BACH2: variants seen among roughly 807,000 people sequenced by gnomAD.
The protein encoded by BACH2 is transcription regulator protein BACH2.
A neutral mutation model predicts 61.8 loss-of-function variants in BACH2; 5 were observed. The ratio of observed to expected loss-of-function variants is 0.08; its 90% CI spans 0.04 to 0.17. The LOEUF (loss-of-function observed/expected upper bound fraction) is 0.17, where lower values mean the gene tolerates loss of function less well. Ranked by LOEUF, BACH2 falls within the 10% of genes least tolerant of loss-of-function variation. The pLI is 1.00. For synonymous variants in BACH2, 446 were observed against 440.1 expected, an observed-to-expected ratio of 1.01 and a Z score of -0.17; for missense variants, 824 against 1,091.1, an observed-to-expected ratio of 0.76 and a Z score of 3.45.
intron 6 of BACH2, chr6:90,001,482 T>C (rs1777130748): frequency 6.6e-6 from 1 of 152,218 alleles, no homozygotes; most frequent in Non-Finnish European, 1.5e-5. Context: ...GTGACAGATG[T>C]TGCAGCCAGA....
Position 90,158,272 on chromosome 6 carries a change from T to G in BACH2, c.-162+48297A>C, listed in dbSNP as rs181115605. On this transcript the variant is annotated intron_variant, in intron 4 of 8. Transcript: ENST00000257749. Reference sequence around the variant, plus strand: ...ACATCTTTTTAAATTTTAAAAATATTAGACCATTTGTTCACATAAAGTTTT... The same window carrying G: ...ACATCTTTTTAAATTTTAAAAATATGAGACCATTTGTTCACATAAAGTTTT... Among the ~76,000 whole-genome samples, 28 of 152,318 alleles carry G rather than the reference T, an allele frequency of 1.8e-4. No individual in the cohort carries two copies. In the East Asian group the frequency reaches 5.0e-3, roughly 27 times the overall value.
intron 6 of BACH2, among the ~76,000 whole-genome samples, chr6:90,000,864 C>G (rs756034180): frequency 1.3e-5 from 2 of 152,140 alleles, no homozygotes; most frequent in Non-Finnish European, 2.9e-5. Flanking sequence ...TGAGCTTGTG[C>G]CTCTTCTGGA....
At chr6:90,029,255 C>G (rs536154210) in intron 5 of BACH2, among the ~76,000 whole-genome samples, 1 of 152,156 alleles carries the variant, frequency 6.6e-6, no homozygotes, top group Non-Finnish European at 1.5e-5. Context: ...TAAGACTCCC[C>G]GCCCTGCCAT....
intron 6 of BACH2, among the ~76,000 whole-genome samples, chr6:89,972,185 C>T (rs1169862292): frequency 2.0e-5 from 3 of 151,998 alleles, no homozygotes; most frequent in Non-Finnish European, 4.4e-5. Flanking sequence ...CTTCCGTGTC[C>T]GCCGCCGAGG....
chr6:90,159,197 A>T (rs1680559138), intron 4 of BACH2, among the ~76,000 whole-genome samples: 1 of 152,220 alleles, frequency 6.6e-6, no homozygotes, highest in African/African-American at 2.4e-5. Context: ...GAAATCAACT[A>T]CGTGGTCTAG....
At chr6:90,150,592 G>A (rs1018868520) in intron 4 of BACH2, among the ~76,000 whole-genome samples, 4 of 152,128 alleles carry the variant, frequency 2.6e-5, no homozygotes, top group East Asian at 1.9e-4. Flanking sequence ...CCTTCAGATC[G>A]AGATGCAGGT....
At chr6:90,182,125 T>C (rs1768186512) in intron 4 of BACH2, among the ~76,000 whole-genome samples, 3 of 152,202 alleles carry the variant, frequency 2.0e-5, no homozygotes, top group South Asian at 2.1e-4. Context: ...AGGCTTTTGG[T>C]TGATGCTGAT....
intron 5 of BACH2, among the ~76,000 whole-genome samples, chr6:90,071,604 T>C (rs1018305234): frequency 6.6e-6 from 1 of 152,232 alleles, no homozygotes; most frequent in African/African-American, 2.4e-5. Flanking sequence ...CTTCAGCCTT[T>C]CTCTGACTTA....
At chr6:90,052,293 A>C (rs1780083039) in intron 5 of BACH2, among the ~76,000 whole-genome samples, 2 of 152,148 alleles carry the variant, frequency 1.3e-5, no homozygotes, top group African/African-American at 4.8e-5. Context: ...TAGTTTTATT[A>C]GTTTTTGTTT....
chr6:90,210,091 C>T (rs1769290806), intron 3 of BACH2, among the ~76,000 whole-genome samples: 1 of 152,040 alleles, frequency 6.6e-6, no homozygotes, highest in African/African-American at 2.4e-5. Context: ...CTGTACAATG[C>T]ACTTTTATAT....
At chr6:90,173,348 C>T (rs1767881303) in intron 4 of BACH2, among the ~76,000 whole-genome samples, 1 of 152,066 alleles carries the variant, frequency 6.6e-6, no homozygotes, top group Non-Finnish European at 1.5e-5. Context: ...CACAGACTTG[C>T]ATGTGAATGT....
At chr6:90,086,415 GT>G (rs1408778884) in intron 5 of BACH2, among the ~76,000 whole-genome samples, 1 of 152,128 alleles carries the variant, frequency 6.6e-6, no homozygotes, top group Non-Finnish European at 1.5e-5. Flanking sequence ...CTGTCGTACT[GT>G]TTAGTATTTA....
At chr6:90,000,524 A>G (rs1200427430) in intron 6 of BACH2, among the ~76,000 whole-genome samples, 2 of 152,224 alleles carry the variant, frequency 1.3e-5, no homozygotes, top group Non-Finnish European at 2.9e-5. Context: ...TAGGGGAATA[A>G]TAACACCTAC....
At position 90,270,552 on chromosome 6, in the gene BACH2, A is replaced by G. The variant is rs1324060278; in HGVS notation, c.-353+1297T>C. Among the ~76,000 whole-genome samples, 4 of 152,340 alleles carry G rather than the reference A, an allele frequency of 2.6e-5. No homozygotes were observed. The East Asian group carries it at 7.7e-4, about 29-fold the overall frequency. Reference sequence around the variant, plus strand: ...TGAAAATCTCTACAGGGAAAACTACAAAACACTGCTGAAAGAAATAATCGA... The same window carrying G: ...TGAAAATCTCTACAGGGAAAACTACGAAACACTGCTGAAAGAAATAATCGA... On this transcript the variant is annotated intron_variant, in intron 2 of 8. Coordinates refer to ENST00000257749, the MANE Select transcript of BACH2 (RefSeq NM_021813.4).
chr6:89,943,819 C>A (rs1298236920), intron 7 of BACH2, among the ~76,000 whole-genome samples: 1 of 152,140 alleles, frequency 6.6e-6, no homozygotes, highest in Non-Finnish European at 1.5e-5. Flanking sequence ...TGATTGAAAC[C>A]CATGGGAGTA....
intron 5 of BACH2, among the ~76,000 whole-genome samples, chr6:90,082,238 C>G (rs1781755133): frequency 6.6e-6 from 1 of 152,094 alleles, no homozygotes; most frequent in Non-Finnish European, 1.5e-5. Flanking sequence ...AATCAGTTGA[C>G]CTAACACCAA....
At chr6:90,029,802 A>G (rs548309097) in intron 5 of BACH2, among the ~76,000 whole-genome samples, 9 of 152,296 alleles carry the variant, frequency 5.9e-5, no homozygotes, top group Non-Finnish European at 1.0e-4. Context: ...CTGGGCCTCA[A>G]GGTCGCCTTG....
chr6:89,989,334 C>G (rs542893775), intron 6 of BACH2, among the ~76,000 whole-genome samples: 6 of 152,282 alleles, frequency 3.9e-5, no homozygotes, highest in African/African-American at 1.4e-4. Flanking sequence ...CGGTAACCAC[C>G]ACTTGACTTT....
intron 4 of BACH2, among the ~76,000 whole-genome samples, chr6:90,153,624 T>C (rs1206125392): frequency 4.6e-5 from 7 of 152,200 alleles, no homozygotes; most frequent in Admixed American, 1.3e-4. Context: ...CTGATAGCTA[T>C]AGGATTTACC....
Sources: allele counts gnomAD v4.1 joint callset (sites outside exome capture counted in the v4.1 genomes callset), GRCh38; gene constraint gnomAD v4.1.1; transcripts MANE v1.5; gene names NCBI Gene and HGNC (gene_info 2026-07-23, HGNC 2026-07-21).